Variants in COX8A observed in about 807,000 individuals in gnomAD.
The protein encoded by COX8A is cytochrome c oxidase subunit 8A, also known as cytochrome c oxidase subunit 8A, mitochondrial.
A neutral mutation model predicts 4.4 loss-of-function variants in COX8A; 6 were observed. The ratio of observed to expected loss-of-function variants is 1.36; its 90% CI spans 0.74 to 2.68. The LOEUF (loss-of-function observed/expected upper bound fraction) is 2.68, where lower values mean the gene tolerates loss of function less well. COX8A is among the 30% of genes most tolerant of loss of function. COX8A has a pLI of 0.00. For synonymous variants in COX8A, 53 were observed against 47.1 expected, an observed-to-expected ratio of 1.12 and a Z score of -0.51; for missense variants, 72 against 89.6, an observed-to-expected ratio of 0.80 and a Z score of 0.79.
intron 1 of COX8A, 58 bp downstream of exon 1, chr11:63,974,852 G>A (rs1370821765): frequency 3.5e-6 from 5 of 1,433,284 alleles, no homozygotes; most frequent in Non-Finnish European, 4.7e-6. Context: ...CTTCTGCCTA[G>A]CTGACCTCAG....
Position 63,976,175 on chromosome 11 carries a change from C to T in COX8A, c.115-50C>T, listed in dbSNP as rs1412175700. The T allele has an allele frequency of 1.9e-6, 3 of 1,547,848 alleles. No homozygotes were observed. In the South Asian group the frequency reaches 3.3e-5, roughly 17 times the overall value. ...CTGGGAACTGCAAGGACTTAGAGAG[C>T]CTAGGGGAATACTGACTCCGAGGTG... On this transcript the variant is annotated intron_variant, in intron 1 of 1. Coordinates refer to ENST00000314133, the MANE Select transcript of COX8A (RefSeq NM_004074.3).
chr11:63,974,773 G>T lies in COX8A; in HGVS notation c.93G>T (p.Pro31=), dbSNP rs528113495. 1.2e-4 allele frequency: 198 copies of T among 1,606,990 alleles called. 2 individuals are homozygous for T. The South Asian group carries it at 1.6e-3, about 13-fold the overall frequency. The stretch of plus-strand genomic sequence containing the variant: ...GCGCCAAGATCCATTCGTTGCCGCC[G>T]GAGGGGAAGCTTGGGATCATGGTGA... The part of the protein sequence containing the change: ...VPRAKIHSLP[P]EGKLGIMELA... Residue 31 remains proline, a synonymous_variant, in exon 1 of 2, where the codon CCG becomes CCT. Transcript: ENST00000314133.
At chr11:63,975,859 T>C (rs1235015216) in intron 1 of COX8A, among the ~76,000 whole-genome samples, 3 of 152,088 alleles carry the variant, frequency 2.0e-5, no homozygotes, top group African/African-American at 4.8e-5. Flanking sequence ...GGATTACAGG[T>C]GTGAGCCACC....
chr11:63,975,519 G>C (rs1434390179), intron 1 of COX8A, among the ~76,000 whole-genome samples: 1 of 151,770 alleles, frequency 6.6e-6, no homozygotes, highest in Non-Finnish European at 1.5e-5. Context: ...TATCGTTTTG[G>C]AGTTACTGGC....
intron 1 of COX8A, among the ~76,000 whole-genome samples, chr11:63,975,495 C>T (rs1565180950): frequency 6.6e-6 from 1 of 151,478 alleles, no homozygotes; most frequent in Non-Finnish European, 1.5e-5. Flanking sequence ...GGTTTTCAGG[C>T]AAGGAAGGAT....
chr11:63,974,627 C>T lies in COX8A; in HGVS notation c.-54C>T. ...CTTCCGGCCAGCGCAGCCATTTTGG[C>T]TTCCTGACCTTGGGCTACGGCTGAC... On this transcript the variant is annotated 5_prime_UTR_variant, in exon 1 of 2. Coordinates refer to ENST00000314133, the MANE Select transcript of COX8A (RefSeq NM_004074.3). The T allele has an allele frequency of 6.5e-7, 1 of 1,531,986 alleles. No homozygotes were observed. The highest frequency in any genetic ancestry group is 1.2e-5 in the South Asian group (1 of 84,476). The allele number at this position is 1,531,986 out of a possible 1,614,324, so 94.9% of individuals were successfully genotyped here.
chr11:63,976,034 G>T (rs537509850), intron 1 of COX8A, among the ~76,000 whole-genome samples, 191 bp from the exon 2 acceptor site: 22 of 152,246 alleles, frequency 1.4e-4, no homozygotes, highest in Non-Finnish European at 3.1e-4. Context: ...TCAAGGGTTA[G>T]CGTAGCTTTG....
Position 63,974,680 on chromosome 11 carries a change from C to A in COX8A, c.-1C>A. ...TTTTTTGTGGTGTACTCCGTGCCAT[C>A]ATGTCCGTCCTGACGCCGCTGCTGC... On this transcript the variant is annotated 5_prime_UTR_variant, in exon 1 of 2. Transcript: ENST00000314133. The A allele has an allele frequency of 6.2e-7, 1 of 1,604,678 alleles. No homozygotes were observed. The highest frequency in any genetic ancestry group is 8.5e-7 in the Non-Finnish European group (1 of 1,175,284).
chr11:63,976,201 CCTT>C, intron 1 of COX8A, 21 bp from the exon 2 acceptor site: 1 of 1,607,354 alleles, frequency 6.2e-7, no homozygotes, highest in Non-Finnish European at 8.5e-7. Flanking sequence ...CTCCGAGGTG[CCTT>C]CTTTCTTGTG....
rs1219277306 is a variant in COX8A at position 63,976,543 on chromosome 11, A to G, written c.*223A>G. The G allele has an allele frequency of 1.8e-6, 1 of 547,042 alleles. No individual in the cohort carries two copies. The highest frequency in any genetic ancestry group is 2.1e-5 in the South Asian group (1 of 47,070). The allele number at this position is 547,042 out of a possible 1,614,324, so 33.9% of individuals were successfully genotyped here. ...TAACAATAAAATCTATTTAAACTTT[A>G]CTTCAGAAATTCATTGTGCCTTCCC... On this transcript the variant is annotated 3_prime_UTR_variant, in exon 2 of 2. Coordinates refer to ENST00000314133, the MANE Select transcript of COX8A (RefSeq NM_004074.3).
At chr11:63,975,474 G>A (rs1942532104) in intron 1 of COX8A, among the ~76,000 whole-genome samples, 1 of 152,280 alleles carries the variant, frequency 6.6e-6, no homozygotes, top group East Asian at 1.9e-4. Context: ...ACTGCGCCCG[G>A]CCTGGGAGGG....
chr11:63,974,938 C>G, intron 1 of COX8A, 144 bp downstream of exon 1: 1 of 740,160 alleles, frequency 1.4e-6, no homozygotes. Context: ...CTGGAGGGCG[C>G]GAACGACGGG....
At chr11:63,975,998 C>T (rs181982789) in intron 1 of COX8A, among the ~76,000 whole-genome samples, 10 of 152,284 alleles carry the variant, frequency 6.6e-5, no homozygotes, top group Admixed American at 6.5e-4. Context: ...CTCACTCTTC[C>T]CCCTCCTTAT....
Position 63,976,267 on chromosome 11 carries a change from C to T in COX8A, c.157C>T (p.Leu53=). The T allele has an allele frequency of 6.2e-7, 1 of 1,614,210 alleles. No homozygotes were observed. The highest frequency in any genetic ancestry group is 8.5e-7 in the Non-Finnish European group (1 of 1,180,042). The change falls in exon 2 of 2, where the codon CTG becomes TTG. Residue 53 remains leucine (L), a synonymous_variant. Coordinates refer to ENST00000314133, the MANE Select transcript of COX8A (RefSeq NM_004074.3). ...TACCTCCTGCTTCGTGACCTTCCTC[C>T]TGCCAGCGGGCTGGATCCTGTCACA... ...GLTSCFVTFL[L]PAGWILSHLE...
In COX8A at chr11:63,976,289, C is replaced by A; in HGVS notation, c.179C>A (p.Ser60Ter). Residue 60 changes from serine (S) to a stop codon, truncating the protein, a stop_gained, in exon 2 of 2, where the codon TCA becomes TAA. Coordinates refer to ENST00000314133, the MANE Select transcript of COX8A (RefSeq NM_004074.3). LOFTEE classifies it high-confidence loss of function. ...CTCCTGCCAGCGGGCTGGATCCTGT[C>A]ACACCTGGAGACCTACAGGAGGCCA... ...TFLLPAGWIL[S>*]HLETYRRPE 1 of 1,614,184 alleles carries A rather than the reference C, an allele frequency of 6.2e-7. No homozygotes were observed. The highest frequency in any genetic ancestry group is 1.1e-5 in the South Asian group (1 of 91,082).
chr11:63,975,260 C>A (rs1023307678), intron 1 of COX8A, among the ~76,000 whole-genome samples: 1 of 152,098 alleles, frequency 6.6e-6, no homozygotes, highest in African/African-American at 2.4e-5. Context: ...CTCACTGCAG[C>A]CTCCGACTCC....
At chr11:63,975,747 A>C (rs1178110452) in intron 1 of COX8A, among the ~76,000 whole-genome samples, 1 of 150,930 alleles carries the variant, frequency 6.6e-6, no homozygotes, top group Non-Finnish European at 1.5e-5. Flanking sequence ...CTCCCGGCTA[A>C]TTTTTTGTAT....
In COX8A at chr11:63,976,301, C is replaced by G; in HGVS notation, c.191C>G (p.Thr64Ser). 1 of 1,614,162 alleles carries G rather than the reference C, an allele frequency of 6.2e-7. No individual in the cohort carries two copies. The highest frequency in any genetic ancestry group is 8.5e-7 in the Non-Finnish European group (1 of 1,180,016). The change falls in exon 2 of 2, where the codon ACC (threonine) becomes AGC (serine). Residue 64 changes from threonine (T) to serine (S), a missense_variant. Transcript: ENST00000314133. ...GGCTGGATCCTGTCACACCTGGAGA[C>G]CTACAGGAGGCCAGAGTGAAGGGGT... ...PAGWILSHLE[T>S]YRRPE
In COX8A at chr11:63,974,755, G is replaced by A. The variant is rs755942347; in HGVS notation, c.75G>A (p.Lys25=). 1 of 1,608,546 alleles carries A rather than the reference G, an allele frequency of 6.2e-7. No homozygotes were observed. Among genetic ancestry groups the A allele is most frequent in the Non-Finnish European group, 8.5e-7 (1 of 1,177,874 alleles). ...SARRLPVPRA[K]IHSLPPEGKL... ...GGCGGCTCCCAGTGCCGCGCGCCAA[G>A]ATCCATTCGTTGCCGCCGGAGGGGA... The change falls in exon 1 of 2, where the codon AAG becomes AAA. Residue 25 remains lysine (K), a synonymous_variant. Coordinates refer to ENST00000314133, the MANE Select transcript of COX8A (RefSeq NM_004074.3).
Sources: gnomAD v4.1 joint callset for allele counts (sites outside exome capture counted in the v4.1 genomes callset) on GRCh38, gnomAD v4.1.1 for gene constraint, MANE v1.5 for transcripts, NCBI Gene and HGNC (gene_info 2026-07-23, HGNC 2026-07-21) for gene names.